The following DOK6 variants were observed in gnomAD, a reference collection of about 807,000 sequenced individuals.
DOK6 encodes downstream of tyrosine kinase 6.
DOK6 carries 22 observed loss-of-function variants against 44.0 expected under a neutral mutation model. That is an observed-to-expected ratio of 0.50 (90% CI 0.36 to 0.71). The LOEUF is 0.71. Ranked by LOEUF, DOK6 falls within the 30% of genes least tolerant of loss-of-function variation. The pLI is 0.00. For missense variants in DOK6, 340 were observed against 416.4 expected (o/e 0.82, Z 1.60); for synonymous variants, 166 against 145.5 (o/e 1.14, Z -1.01).
At chr18:69,603,134 G>C (rs1476555356) in intron 3 of DOK6, among the ~76,000 whole-genome samples, 1 of 152,180 alleles carries the variant, frequency 6.6e-6, no homozygotes, top group Admixed American at 6.5e-5. Context: ...TTAGCGAACT[G>C]AGCACTCCCT....
At chr18:69,763,162 C>A (rs1055779442) in intron 7 of DOK6, among the ~76,000 whole-genome samples, 17 of 152,152 alleles carry the variant, frequency 1.1e-4, no homozygotes, top group African/African-American at 3.9e-4. Flanking sequence ...TAATTAGCTT[C>A]TAACAAGCAC....
At chr18:69,712,063 CGAG>C (rs2144715956) in intron 5 of DOK6, among the ~76,000 whole-genome samples, 1 of 151,286 alleles carries the variant, frequency 6.6e-6, no homozygotes, top group African/African-American at 2.4e-5. Flanking sequence ...GGGCGGATCA[CGAG>C]GTCAGGAGAT....
intron 7 of DOK6, among the ~76,000 whole-genome samples, chr18:69,795,719 C>T (rs1337544334): frequency 3.3e-5 from 5 of 152,120 alleles, no homozygotes; most frequent in Admixed American, 2.6e-4. Context: ...AATGACAGCC[C>T]GTTTGGGAAT....
chr18:69,772,175 A>T lies in DOK6; in HGVS notation c.856+14302A>T, dbSNP rs371883376. 1.0e-3 allele frequency among the ~76,000 whole-genome samples: 159 copies of T among 152,176 alleles called. 2 individuals carry two copies. The South Asian group carries it at 0.026, about 25-fold the overall frequency. ...ACAGAATGAGACTCCATCTCTAAAA[A>T]ATAAATAAATAAAACAAATATTGAG... is the stretch of plus-strand genomic sequence containing the variant. On this transcript the variant is annotated intron_variant, in intron 7 of 7. Coordinates refer to ENST00000382713, the MANE Select transcript of DOK6 (RefSeq NM_152721.6).
chr18:69,753,297 T>A (rs1979245526), intron 6 of DOK6, among the ~76,000 whole-genome samples: 1 of 152,130 alleles, frequency 6.6e-6, no homozygotes, highest in African/African-American at 2.4e-5. Context: ...AATCTAAACC[T>A]CTTTTCTGGT....
intron 7 of DOK6, among the ~76,000 whole-genome samples, chr18:69,811,196 C>T (rs1981213271): frequency 6.6e-6 from 1 of 151,758 alleles, no homozygotes. Flanking sequence ...GTGAAATAAG[C>T]CAGACACAGA....
intron 7 of DOK6, among the ~76,000 whole-genome samples, chr18:69,825,634 AC>A (rs1981721084): frequency 6.6e-6 from 1 of 151,528 alleles, no homozygotes; most frequent in South Asian, 2.1e-4. Context: ...ACGGGGTTTC[AC>A]CGTGTTAGCC....
At chr18:69,778,682 C>T (rs1414759825) in intron 7 of DOK6, among the ~76,000 whole-genome samples, 1 of 152,040 alleles carries the variant, frequency 6.6e-6, no homozygotes, top group African/African-American at 2.4e-5. Context: ...GTGGTTCAGA[C>T]CACTAAATCA....
intron 7 of DOK6, among the ~76,000 whole-genome samples, chr18:69,829,441 C>A (rs1981840934): frequency 6.6e-6 from 1 of 151,968 alleles, no homozygotes; most frequent in South Asian, 2.1e-4. Flanking sequence ...CATTGTACAG[C>A]TGAGGAACTT....
chr18:69,812,866 A>C (rs1046289287), intron 7 of DOK6, among the ~76,000 whole-genome samples: 3 of 152,106 alleles, frequency 2.0e-5, no homozygotes, highest in African/African-American at 7.2e-5. Context: ...TTCAGATTTC[A>C]TGAGAACAGC....
At chr18:69,549,782 A>G (rs1982511123) in intron 1 of DOK6, among the ~76,000 whole-genome samples, 1 of 151,460 alleles carries the variant, frequency 6.6e-6, no homozygotes, top group Admixed American at 6.6e-5. Flanking sequence ...AAGCACTTAT[A>G]GTCTGTAGAG....
intron 1 of DOK6, among the ~76,000 whole-genome samples, chr18:69,455,175 G>T (rs76526328): frequency 1.7e-3 from 164 of 94,626 alleles, no homozygotes; most frequent in African/African-American, 5.6e-3. Context: ...AAAAAAAAAA[G>T]AAAAGAAAAA....
At chr18:69,493,325 C>T (rs997997330) in intron 1 of DOK6, among the ~76,000 whole-genome samples, 3 of 152,072 alleles carry the variant, frequency 2.0e-5, no homozygotes, top group Non-Finnish European at 2.9e-5. Context: ...ACAGCCTGTC[C>T]AACAATGCAC....
chr18:69,634,546 C>T (rs1299346739), intron 3 of DOK6, among the ~76,000 whole-genome samples: 4 of 152,128 alleles, frequency 2.6e-5, no homozygotes, highest in Non-Finnish European at 2.9e-5. Flanking sequence ...ATACTCATTT[C>T]TTTTCTGTGA....
At chr18:69,765,177 C>T (rs542354398) in intron 7 of DOK6, among the ~76,000 whole-genome samples, 1 of 152,242 alleles carries the variant, frequency 6.6e-6, no homozygotes, top group East Asian at 1.9e-4. Context: ...TAAATTGCTT[C>T]TATTGAGATT....
At chr18:69,414,159 G>A (rs186201677) in intron 1 of DOK6, among the ~76,000 whole-genome samples, 40 of 152,146 alleles carry the variant, frequency 2.6e-4, no homozygotes, top group African/African-American at 9.6e-4. Context: ...AAATGGTTCA[G>A]ACACTCTGGA....
chr18:69,705,121 C>A (rs932537947), intron 5 of DOK6: 1 of 152,216 alleles, frequency 6.6e-6, no homozygotes, highest in East Asian at 1.9e-4. Flanking sequence ...TCATTATCCT[C>A]CTTGTCCATA....
intron 3 of DOK6, among the ~76,000 whole-genome samples, chr18:69,646,360 T>C (rs1323490603): frequency 1.3e-5 from 2 of 152,220 alleles, no homozygotes; most frequent in Non-Finnish European, 2.9e-5. Flanking sequence ...AGTTGCTTGT[T>C]TGAGAGTATT....
At chr18:69,802,960 A>T (rs1204142101) in intron 7 of DOK6, among the ~76,000 whole-genome samples, 1 of 152,202 alleles carries the variant, frequency 6.6e-6, no homozygotes, top group Non-Finnish European at 1.5e-5. Context: ...GAATTGATAT[A>T]AGAAACTATC....
Sources: allele counts gnomAD v4.1 joint callset (sites outside exome capture counted in the v4.1 genomes callset), GRCh38; gene constraint gnomAD v4.1.1; transcripts MANE v1.5; gene names NCBI Gene and HGNC (gene_info 2026-07-23, HGNC 2026-07-21).